The following ESPN variants were observed in gnomAD, a reference collection of about 807,000 sequenced individuals.
ESPN encodes the protein autosomal recessive deafness type 36 protein.
Under a neutral mutation model 77.7 loss-of-function variants are expected in ESPN, and 68 were observed. The observed-to-expected ratio is 0.87, with a 90% CI of 0.72 to 1.07. ESPN has a LOEUF of 1.07. Ranked by LOEUF, ESPN falls within the 50% of genes least tolerant of loss-of-function variation. The pLI, the probability that ESPN is intolerant of heterozygous loss-of-function variation, is 0.00. For missense variants in ESPN, 1,060 were observed against 1,239.0 expected, an observed-to-expected ratio of 0.86 and a Z score of 2.17; for synonymous variants, 449 against 567.1, an observed-to-expected ratio of 0.79 and a Z score of 2.96.
intron 10 of ESPN, chr1:6,456,008 G>GCCGCCGCCGCCGCCC (rs1403204749): frequency 7.6e-6 from 3 of 395,400 alleles, no homozygotes; most frequent in African/African-American, 6.2e-5. Context: ...CTGCGCCGCA[G>GCCGCCGCCGCCGCCC]CCGCCGCCGC....
chr1:6,436,886 C>T (rs542846147), intron 2 of ESPN, among the ~76,000 whole-genome samples: 4 of 152,258 alleles, frequency 2.6e-5, no homozygotes, highest in African/African-American at 9.6e-5. Flanking sequence ...GTCCTCAGGC[C>T]AAGGTGGAGG....
At chr1:6,433,267 A>G (rs1643317510) in intron 2 of ESPN, among the ~76,000 whole-genome samples, 1 of 151,870 alleles carries the variant, frequency 6.6e-6, no homozygotes, top group African/African-American at 2.4e-5. Context: ...ATACGGTGAA[A>G]CCCCATCTCT....
At chr1:6,461,285 G>A, downstream of ESPN, 1 of 990,174 alleles carries the variant, frequency 1.0e-6, no homozygotes, top group Non-Finnish European at 1.6e-6. This position sits in a 1 kb window ranked among gnomAD's most constrained non-coding sequence, Gnocchi z 6.3. Context: ...GAGCGATAGG[G>A]GCGAGCAGGG....
intron 2 of ESPN, among the ~76,000 whole-genome samples, chr1:6,430,644 G>A (rs1643208580): frequency 6.6e-6 from 1 of 152,158 alleles, no homozygotes; most frequent in South Asian, 2.1e-4. Flanking sequence ...GGTGGCGCAT[G>A]CCTGTAATCC....
intron 8 of ESPN, among the ~76,000 whole-genome samples, chr1:6,449,722 C>T (rs1193628617): frequency 1.3e-5 from 2 of 152,200 alleles, no homozygotes; most frequent in Non-Finnish European, 2.9e-5. Flanking sequence ...CCTCCCTCCC[C>T]GGTGACTTCC....
rs1308988363 is a variant in ESPN at position 6,445,948 on chromosome 1, C to T, written c.1464+13C>T. 4 of 1,612,032 alleles carry T rather than the reference C, an allele frequency of 2.5e-6. No individual in the cohort carries two copies. In the Admixed American group the frequency reaches 5.0e-5, roughly 20 times the overall value. On this transcript the variant is annotated intron_variant, in intron 7 of 12. Coordinates refer to ENST00000645284, the MANE Select transcript of ESPN (RefSeq NM_031475.3). ...CCTCAAGAAGGAGGTAGTGAGCCCTCACCCCCTGCCTGCCTCCCAGCAGGG... is the reference window on the plus strand; with the variant it reads ...CCTCAAGAAGGAGGTAGTGAGCCCTTACCCCCTGCCTGCCTCCCAGCAGGG...
intron 2 of ESPN, among the ~76,000 whole-genome samples, chr1:6,435,022 G>C (rs1238751638): frequency 6.6e-6 from 1 of 152,108 alleles, no homozygotes; most frequent in East Asian, 1.9e-4. Flanking sequence ...AGAGTTGCAG[G>C]CAACTGTAGG....
rs1435148906 is a variant in ESPN at position 6,425,220 on chromosome 1, C to A, written c.265C>A (p.Leu89Met). The A allele has an allele frequency of 6.4e-7, 1 of 1,560,976 alleles. No individual in the cohort carries two copies. The highest frequency in any genetic ancestry group is 8.6e-7 in the Non-Finnish European group (1 of 1,161,892). ...CGGCCACCTCGCCTGCCTGCAGTGG[C>A]TGCTGTCGCAGGGCGGCTGCAGAGT... ...ATGHLACLQW[L>M]LSQGGCRVQD... The change falls in exon 1 of 13, where the codon CTG (leucine) becomes ATG (methionine). Residue 89 changes from leucine (L) to methionine (M), a missense_variant. Physicochemically the swap from Leu to Met is conservative, Grantham distance 15 (BLOSUM62 2). Around this residue, in one of 3 missense-constraint regions of ESPN, gnomAD observed 556 missense variants for 633.6 expected, o/e 0.88. Transcript: ENST00000645284.
chr1:6,429,094 G>A, intron 2 of ESPN, among the ~76,000 whole-genome samples: 1 of 149,694 alleles, frequency 6.7e-6, no homozygotes, highest in Non-Finnish European at 1.5e-5. Flanking sequence ...TGTGAGTCTT[G>A]GGGAGGGAGG....
At chr1:6,445,391 C>G (rs917559718) in intron 6 of ESPN, among the ~76,000 whole-genome samples, 2 of 152,238 alleles carry the variant, frequency 1.3e-5, no homozygotes, top group African/African-American at 4.8e-5. Context: ...CCTCCCCTTC[C>G]AGGTGACCCT....
At position 6,450,422 on chromosome 1, in the gene ESPN, C is replaced by T. The variant is rs1278245353; in HGVS notation, c.1916-1181C>T. The stretch of plus-strand genomic sequence containing the variant: ...CCCCTCCCTCCTAACTCCGCTGTCA[C>T]TTCTCTCCTCTTGGTCCCTAGAAGT... On this transcript the variant is annotated intron_variant, in intron 8 of 12. Transcript: ENST00000645284. The surrounding 1 kb of genome is among the most constrained non-coding windows in gnomAD (Gnocchi z 4.3). 1.6e-5 allele frequency: 15 copies of T among 963,274 alleles called. No individual in the cohort carries two copies. The highest frequency in any genetic ancestry group is 1.8e-5 in the African/African-American group (1 of 56,722). The allele number at this position is 963,274 out of a possible 1,614,324, so 59.7% of individuals were successfully genotyped here.
chr1:6,454,851 G>A (rs962794291), intron 10 of ESPN: 1 of 393,398 alleles, frequency 2.5e-6, no homozygotes, highest in Non-Finnish European at 4.5e-6. Flanking sequence ...GCCGCTGCCC[G>A]ACGCGCCCTG....
intron 6 of ESPN, 41 bp downstream of exon 6, chr1:6,444,723 T>C: frequency 6.2e-7 from 1 of 1,611,220 alleles, no homozygotes; most frequent in Non-Finnish European, 8.5e-7. Context: ...GAGAGCAGAC[T>C]GAAGCCAGAC....
intron 6 of ESPN, among the ~76,000 whole-genome samples, chr1:6,445,274 C>T (rs997523520): frequency 6.6e-6 from 1 of 152,252 alleles, no homozygotes; most frequent in Non-Finnish European, 1.5e-5. Context: ...CATGGGCGTC[C>T]GTCCACTTGC....
chr1:6,457,872 T>C (rs1337162479), intron 12 of ESPN, among the ~76,000 whole-genome samples: 6 of 152,216 alleles, frequency 3.9e-5, no homozygotes, highest in African/African-American at 1.4e-4. Context: ...TATACTCCTC[T>C]TGTAAAAGTA....
In ESPN at chr1:6,452,159, C is replaced by T. The variant is rs1300399885; in HGVS notation, c.2325+63C>T. ...GCATCTGGATGCACAGCCCATCCCC[C>T]ACGCCACCCCCAACCCCAACCTCGG... On this transcript the variant is annotated intron_variant, in intron 10 of 12. Transcript: ENST00000645284. The T allele has an allele frequency of 4.1e-6, 6 of 1,467,992 alleles. No individual in the cohort carries two copies. The African/African-American group carries it at 7.0e-5, about 17-fold the overall frequency. The allele number at this position is 1,467,992 out of a possible 1,614,324, so 90.9% of individuals were successfully genotyped here.
intron 2 of ESPN, among the ~76,000 whole-genome samples, chr1:6,429,487 G>A (rs61780705): frequency 8.6e-5 from 13 of 152,004 alleles, no homozygotes; most frequent in South Asian, 6.2e-4. Flanking sequence ...AGGTTGGGGC[G>A]TGGGAGCCAC....
chr1:6,438,279 G>A (rs1322722652), intron 2 of ESPN, among the ~76,000 whole-genome samples: 1 of 152,208 alleles, frequency 6.6e-6, no homozygotes, highest in Admixed American at 6.5e-5. Flanking sequence ...CCTGGTGGCT[G>A]GTCCTCCCAG....
intron 2 of ESPN, 64 bp from the exon 3 acceptor site, chr1:6,440,190 G>T: frequency 1.3e-6 from 2 of 1,504,984 alleles, no homozygotes; most frequent in South Asian, 1.2e-5. Flanking sequence ...GGATGGGGGC[G>T]GGTAAGAAGG....
Sources: gnomAD v4.1 joint callset for allele counts (sites outside exome capture counted in the v4.1 genomes callset) on GRCh38, gnomAD v4.1.1 for gene constraint, gnomAD v4.1.1 regional missense constraint, Gnocchi (gnomAD v3.1) non-coding constraint, MANE v1.5 for transcripts, NCBI Gene and HGNC (gene_info 2026-07-23, HGNC 2026-07-21) for gene names.